Variants in B3GLCT observed in about 807,000 individuals in gnomAD.
The protein encoded by B3GLCT is beta 3-glucosyltransferase, also known as beta-1,3-glucosyltransferase.
Under a neutral mutation model 63.4 loss-of-function variants are expected in B3GLCT, and 65 were observed. The observed-to-expected ratio is 1.03, with a 90% CI of 0.84 to 1.26. The LOEUF is 1.26. Among genes scored for constraint, B3GLCT ranks in the 50% most tolerant of loss-of-function variants. B3GLCT has a pLI of 0.00. For synonymous variants in B3GLCT, 233 were observed against 219.2 expected (o/e 1.06, Z -0.55); for missense variants, 577 against 604.8 (o/e 0.95, Z 0.48).
chr13:31,329,109 C>G (rs188141086), intron 14 of B3GLCT, among the ~76,000 whole-genome samples: 24 of 152,270 alleles, frequency 1.6e-4, no homozygotes, highest in African/African-American at 5.5e-4. Flanking sequence ...CCCAGCCCCC[C>G]ACAACAAACT....
chr13:31,238,194 C>T (rs1870749995), intron 4 of B3GLCT, among the ~76,000 whole-genome samples: 1 of 152,198 alleles, frequency 6.6e-6, no homozygotes, highest in Admixed American at 6.5e-5. Flanking sequence ...TTACCTATGC[C>T]TGTTTTGCCT....
At chr13:31,323,657 GC>G in intron 13 of B3GLCT, 93 bp from the exon 14 acceptor site, 1 of 1,410,910 alleles carries the variant, frequency 7.1e-7, no homozygotes, top group Non-Finnish European at 1.0e-6. Context: ...CTCTCAGTCT[GC>G]AGGAGTAAAG....
chr13:31,290,493 G>A (rs538494415), intron 12 of B3GLCT, among the ~76,000 whole-genome samples: 3 of 152,202 alleles, frequency 2.0e-5, no homozygotes, highest in Non-Finnish European at 4.4e-5. Flanking sequence ...GTGTAAAAGT[G>A]TTCCTATTTT....
At chr13:31,295,337 A>G (rs56852390) in intron 12 of B3GLCT, among the ~76,000 whole-genome samples, 1 of 152,210 alleles carries the variant, frequency 6.6e-6, no homozygotes, top group Non-Finnish European at 1.5e-5. Context: ...GCAGAGCTCC[A>G]GTGCTGTGCT....
At chr13:31,262,181 G>A (rs183323088) in intron 7 of B3GLCT, among the ~76,000 whole-genome samples, 1 of 152,318 alleles carries the variant, frequency 6.6e-6, no homozygotes, top group African/African-American at 2.4e-5. Context: ...GATTTCTGTG[G>A]TACAAATCTG....
chr13:31,277,087 A>G lies in B3GLCT; in HGVS notation c.850+316A>G, dbSNP rs537753273. 2.6e-5 allele frequency among the ~76,000 whole-genome samples: 4 copies of G among 152,346 alleles called. No individual in the cohort carries two copies. The South Asian group carries it at 8.3e-4, about 32-fold the overall frequency. ...GAAAAACAGTCCATTTTGTCAAACA[A>G]TGTATTAGGTCTGTGCGCAGTCTCT... On this transcript the variant is annotated intron_variant, in intron 10 of 14. Transcript: ENST00000343307.
rs3067591 is a variant in B3GLCT, at chr13:31,331,412, GCC to G, written c.*1745_*1746del. On this transcript the variant is annotated 3_prime_UTR_variant, in exon 15 of 15. Coordinates refer to ENST00000343307, the MANE Select transcript of B3GLCT (RefSeq NM_194318.4). ...AGCTTTCTTCTGTGGTCTGATTAGT[GCC>G]TTCTACTGATACCGGGGCACCTCCT... 0.66 allele frequency: 100,465 copies of G among 151,690 alleles called. 34,517 individuals carry two copies. The highest frequency in any genetic ancestry group is 0.77 in the Non-Finnish European group (51,969 of 67,856). 9.4% of individuals were successfully genotyped at this position (151,690 alleles called of 1,614,324 possible). A position where few individuals can be genotyped will look rare whatever the true frequency, so the allele number is the denominator to read the frequency against.
At chr13:31,301,355 T>C (rs1029714189) in intron 12 of B3GLCT, among the ~76,000 whole-genome samples, 1 of 152,234 alleles carries the variant, frequency 6.6e-6, no homozygotes, top group Non-Finnish European at 1.5e-5. Context: ...CAGTCTTAAC[T>C]GGTTCCAATT....
intron 1 of B3GLCT, among the ~76,000 whole-genome samples, chr13:31,210,641 G>A (rs1869209168): frequency 6.6e-6 from 1 of 152,134 alleles, no homozygotes; most frequent in Non-Finnish European, 1.5e-5. Context: ...ATGAAACCAG[G>A]ATTTTTATGG....
chr13:31,200,696 C>G (rs1334719762), intron 1 of B3GLCT, among the ~76,000 whole-genome samples: 2 of 152,000 alleles, frequency 1.3e-5, no homozygotes, highest in Non-Finnish European at 2.9e-5. Flanking sequence ...ACTGCGGTCC[C>G]GGTGTCCGCG....
Position 31,329,821 on chromosome 13 carries a change from CAG to C in B3GLCT, c.*156_*157del. 4 of 844,266 alleles carry C rather than the reference CAG, an allele frequency of 4.7e-6. No individual in the cohort carries two copies. Among genetic ancestry groups the C allele is most frequent in the African/African-American group, 1.7e-5 (1 of 59,358 alleles). 52.3% of individuals were successfully genotyped at this position (844,266 alleles called of 1,614,324 possible). On this transcript the variant is annotated 3_prime_UTR_variant, in exon 15 of 15. Transcript: ENST00000343307. ...AGATTTTATGTATGGTATTTTTTGA[CAG>C]AGGAAGAAAAGGGGTCACAGGAGAA... is the stretch of plus-strand genomic sequence containing the variant.
At chr13:31,248,326 AT>A (rs992458038) in intron 6 of B3GLCT, among the ~76,000 whole-genome samples, 6 of 151,876 alleles carry the variant, frequency 4.0e-5, no homozygotes, top group Non-Finnish European at 2.9e-5. Flanking sequence ...TAGATAGAAA[AT>A]TTTTTTTGAG....
chr13:31,321,533 C>T (rs1041809595), intron 13 of B3GLCT, among the ~76,000 whole-genome samples: 1 of 152,226 alleles, frequency 6.6e-6, no homozygotes, highest in African/African-American at 2.4e-5. Context: ...CAGCTTTATA[C>T]ATACCCATGC....
intron 12 of B3GLCT, among the ~76,000 whole-genome samples, chr13:31,309,229 A>G (rs1388619414): frequency 1.3e-5 from 2 of 152,206 alleles, no homozygotes; most frequent in Non-Finnish European, 2.9e-5. Flanking sequence ...CCACTTCACT[A>G]ACATCAATTG....
intron 3 of B3GLCT, 114 bp downstream of exon 3, chr13:31,223,105 C>G (rs1350699909): frequency 2.6e-6 from 2 of 756,990 alleles, no homozygotes; most frequent in East Asian, 5.4e-5. Context: ...TATTGTTGTT[C>G]AAATATTCTG....
chr13:31,248,092 A>AT (rs1871274225), intron 6 of B3GLCT, 126 bp downstream of exon 6: 1 of 637,842 alleles, frequency 1.6e-6, no homozygotes, highest in Admixed American at 2.7e-5. Flanking sequence ...AGAATGAAAC[A>AT]TTGTTGAATA....
At chr13:31,316,431 A>ATATATATATATATATATATATATATAT (rs1555255278) in intron 12 of B3GLCT, among the ~76,000 whole-genome samples, 272 of 109,842 alleles carry the variant, frequency 2.5e-3, no homozygotes, top group Middle Eastern at 4.7e-3. Flanking sequence ...ATATATATAT[A>ATATATATATATATATATATATATATAT]AATTTTTTTT....
chr13:31,206,253 T>A (rs748573348), intron 1 of B3GLCT, among the ~76,000 whole-genome samples: 3 of 152,200 alleles, frequency 2.0e-5, no homozygotes, highest in Non-Finnish European at 4.4e-5. Flanking sequence ...CTGTGTGTCC[T>A]AAAGAAGCCT....
rs780562438 is a variant in B3GLCT, at chr13:31,247,114, C to T, written c.347+15C>T. The stretch of plus-strand genomic sequence containing the variant: ...TTGTTACCGCAGTACGTTTGTTTAA[C>T]TCACCTGTGAATTACTGACATTCCT... On this transcript the variant is annotated intron_variant, in intron 5 of 14. Coordinates refer to ENST00000343307, the MANE Select transcript of B3GLCT (RefSeq NM_194318.4). 3 of 1,593,652 alleles carry T rather than the reference C, an allele frequency of 1.9e-6. No homozygotes were observed. In the Admixed American group the frequency reaches 5.0e-5, roughly 27 times the overall value.
Sources: allele counts gnomAD v4.1 joint callset (sites outside exome capture counted in the v4.1 genomes callset), GRCh38; gene constraint gnomAD v4.1.1; transcripts MANE v1.5; gene names NCBI Gene and HGNC (gene_info 2026-07-23, HGNC 2026-07-21).